The following TGM3 variants were observed in gnomAD, a reference collection of about 807,000 sequenced individuals.
TGM3 encodes the protein transglutaminase 3, also known as protein-glutamine gamma-glutamyltransferase E.
TGM3 carries 52 observed loss-of-function variants against 73.8 expected under a neutral mutation model. The observed-to-expected ratio is 0.70, with a 90% CI of 0.56 to 0.89. The LOEUF (loss-of-function observed/expected upper bound fraction) is 0.89. Among genes scored for constraint, TGM3 ranks in the 40% least tolerant of loss-of-function variants. TGM3 has a pLI of 0.00. For synonymous variants in TGM3, 372 were observed against 354.9 expected (o/e 1.05, Z -0.54); for missense variants, 928 against 909.9 (o/e 1.02, Z -0.26).
intron 1 of TGM3, among the ~76,000 whole-genome samples, chr20:2,307,954 G>T (rs935533793): frequency 8.5e-5 from 13 of 152,144 alleles, no homozygotes; most frequent in Admixed American, 4.6e-4. Flanking sequence ...GGGTGCAGTG[G>T]CTCATGCCTG....
At chr20:2,310,499 C>T in intron 3 of TGM3, 82 bp downstream of exon 3, 3 of 1,559,686 alleles carry the variant, frequency 1.9e-6, no homozygotes, top group Non-Finnish European at 2.6e-6. Flanking sequence ...TCTTCACAGG[C>T]TCAAGTTTGA....
chr20:2,307,090 G>A (rs1185425033), intron 1 of TGM3, among the ~76,000 whole-genome samples: 2 of 152,080 alleles, frequency 1.3e-5, no homozygotes, highest in Non-Finnish European at 2.9e-5. Context: ...AAATGTCTCA[G>A]TTTCCCTGAA....
intron 2 of TGM3, 84 bp downstream of exon 2, chr20:2,309,914 G>A: frequency 6.4e-7 from 1 of 1,551,882 alleles, no homozygotes; most frequent in Non-Finnish European, 8.8e-7. Flanking sequence ...GGACCACACT[G>A]GGGCCACTGG....
chr20:2,319,678 C>T (rs2084253079), intron 7 of TGM3, among the ~76,000 whole-genome samples: 1 of 152,116 alleles, frequency 6.6e-6, no homozygotes, highest in Admixed American at 6.5e-5. Context: ...TCTGACTGTT[C>T]CTGAGGATCT....
At chr20:2,331,954 G>C in intron 9 of TGM3, 48 bp from the exon 10 acceptor site, 1 of 1,559,356 alleles carries the variant, frequency 6.4e-7, no homozygotes, top group Admixed American at 1.8e-5. Context: ...CCTTTGCCCA[G>C]GTTGCCATCA....
At position 2,310,215 on chromosome 20, in the gene TGM3, G is replaced by A. The variant is rs748988199; in HGVS notation, c.219G>A (p.Val73=). Residue 73 remains valine, a synonymous_variant, in exon 3 of 13, where the codon GTG becomes GTA. Coordinates refer to ENST00000381458, the MANE Select transcript of TGM3 (RefSeq NM_003245.4). ...CAGAGTCGGCCATGACGAAGGCTGT[G>A]TTTCCACTCTCCAATGGCAGTAGTG... is the stretch of plus-strand genomic sequence containing the variant. ...YPSESAMTKA[V]FPLSNGSSGG... The A allele has an allele frequency of 6.2e-7, 1 of 1,614,112 alleles. No homozygotes were observed. Among genetic ancestry groups the A allele is most frequent in the Non-Finnish European group, 8.5e-7 (1 of 1,180,052 alleles).
chr20:2,302,238 C>T lies in TGM3; in HGVS notation c.7+6168C>T, dbSNP rs570714830. On this transcript the variant is annotated intron_variant, in intron 1 of 12. Coordinates refer to ENST00000381458, the MANE Select transcript of TGM3 (RefSeq NM_003245.4). ...ACCCAGCGACCAAGTCATTCTCACC[C>T]GTGTGCTGCAGGTGATTCAATTATA... 8.5e-4 allele frequency among the ~76,000 whole-genome samples: 130 copies of T among 152,214 alleles called. 1 individual carries two copies. The highest frequency in any genetic ancestry group is 3.0e-3 in the African/African-American group (124 of 41,524).
chr20:2,321,235 G>A (rs548289460), intron 7 of TGM3, among the ~76,000 whole-genome samples: 1 of 152,338 alleles, frequency 6.6e-6, no homozygotes, highest in East Asian at 1.9e-4. Context: ...TGCTGGAGGA[G>A]GGTTTTTGTT....
chr20:2,328,515 A>C lies in TGM3; in HGVS notation c.1333+150A>C. On this transcript the variant is annotated intron_variant, in intron 9 of 12. Coordinates refer to ENST00000381458, the MANE Select transcript of TGM3 (RefSeq NM_003245.4). The surrounding 1 kb of genome is among the most constrained non-coding windows in gnomAD (Gnocchi z 5.2). The stretch of plus-strand genomic sequence containing the variant: ...GATTGCTCCCTAGCACCTAACATCC[A>C]CCTCCCAGGACTGTTTCCGGAGGGA... The C allele has an allele frequency of 8.7e-7, 1 of 1,145,176 alleles. No individual in the cohort carries two copies. 70.9% of individuals were successfully genotyped at this position (1,145,176 alleles called of 1,614,324 possible).
At chr20:2,323,687 C>T (rs2084272883) in intron 7 of TGM3, among the ~76,000 whole-genome samples, 1 of 152,212 alleles carries the variant, frequency 6.6e-6, no homozygotes, top group Non-Finnish European at 1.5e-5. Context: ...TATGACAGTG[C>T]TTGTTTTCCC....
intron 10 of TGM3, among the ~76,000 whole-genome samples, chr20:2,333,966 A>G (rs2084334161): frequency 6.6e-6 from 1 of 152,180 alleles, no homozygotes. Flanking sequence ...TTCAGTGCTA[A>G]AAGCAGAGGC....
Position 2,296,026 on chromosome 20 carries a change from C to A in TGM3, c.-38C>A, listed in dbSNP as rs779225260. On this transcript the variant is annotated 5_prime_UTR_variant, in exon 1 of 13. Transcript: ENST00000381458. Reference sequence around the variant, plus strand: ...GTCTGTCAGCACTGTCCGTGCCATTCCCAGAGGAGCCTGAGAAGAGGCAGA... The same window carrying A: ...GTCTGTCAGCACTGTCCGTGCCATTACCAGAGGAGCCTGAGAAGAGGCAGA... The A allele has an allele frequency of 8.4e-6, 13 of 1,551,268 alleles. No homozygotes were observed. The highest frequency in any genetic ancestry group is 1.1e-5 in the Non-Finnish European group (13 of 1,146,820).
intron 5 of TGM3, among the ~76,000 whole-genome samples, chr20:2,316,861 C>T (rs2084235854): frequency 6.6e-6 from 1 of 152,084 alleles, no homozygotes; most frequent in African/African-American, 2.4e-5. Flanking sequence ...TGGGAAAGCA[C>T]CTCTAAACTC....
At chr20:2,339,811 T>C (rs777144067) in intron 11 of TGM3, 43 bp from the exon 12 acceptor site, 24 of 1,612,350 alleles carry the variant, frequency 1.5e-5, no homozygotes, top group Non-Finnish European at 1.9e-5. Context: ...AGGCAGGGGC[T>C]GAGCAGCTGG....
chr20:2,323,208 C>A (rs977255285), intron 7 of TGM3, among the ~76,000 whole-genome samples: 5 of 152,170 alleles, frequency 3.3e-5, no homozygotes, highest in African/African-American at 4.8e-5. Flanking sequence ...TATCCCTCAC[C>A]CCCTTCCCAC....
chr20:2,333,060 A>G (rs1208546086), intron 10 of TGM3, among the ~76,000 whole-genome samples: 1 of 152,238 alleles, frequency 6.6e-6, no homozygotes, highest in Admixed American at 6.5e-5. Flanking sequence ...TGTGCTGTGG[A>G]AGGATTAGAA....
At chr20:2,318,979 C>G (rs1256831208) in intron 7 of TGM3, among the ~76,000 whole-genome samples, 1 of 152,134 alleles carries the variant, frequency 6.6e-6, no homozygotes, top group East Asian at 1.9e-4. Flanking sequence ...TCAATGGATT[C>G]TGGGGTTTTA....
intron 9 of TGM3, among the ~76,000 whole-genome samples, chr20:2,329,625 G>A (rs905674332): frequency 6.6e-5 from 10 of 152,094 alleles, no homozygotes; most frequent in Non-Finnish European, 1.0e-4. Flanking sequence ...ATGTTATGAC[G>A]TAGAAACAAG....
rs111667865 is a variant in TGM3 at position 2,300,236 on chromosome 20, A to G, written c.7+4166A>G. Among the ~76,000 whole-genome samples, 599 of 147,892 alleles carry G rather than the reference A, an allele frequency of 4.1e-3. 3 individuals are homozygous for G. The highest frequency in any genetic ancestry group is 0.02 in the South Asian group (91 of 4,602). ...GAAAGAGAAGAAAGAAAGAAAGAAA[A>G]AAAGAAAGAAAGAAAGAAAAGAGAG... On this transcript the variant is annotated intron_variant, in intron 1 of 12. Transcript: ENST00000381458.
Sources: allele counts gnomAD v4.1 joint callset (sites outside exome capture counted in the v4.1 genomes callset), GRCh38; gene constraint gnomAD v4.1.1; non-coding constraint Gnocchi (gnomAD v3.1); transcripts MANE v1.5; gene names NCBI Gene and HGNC (gene_info 2026-07-23, HGNC 2026-07-21).